ANKRD33B: variants seen among roughly 807,000 people sequenced by gnomAD.
ANKRD33B encodes the protein ankyrin repeat domain-containing protein 33B.
A neutral mutation model predicts 21.5 loss-of-function variants in ANKRD33B; 6 were observed. The observed-to-expected ratio is 0.28, with a 90% confidence interval of 0.15 to 0.55. The LOEUF (loss-of-function observed/expected upper bound fraction) is 0.55. Ranked by LOEUF, ANKRD33B falls within the 20% of genes least tolerant of loss-of-function variation. The pLI, the probability that ANKRD33B is intolerant of heterozygous loss-of-function variation, is 0.94. For synonymous variants in ANKRD33B, 347 were observed against 342.4 expected (o/e 1.01, Z -0.15); for missense variants, 698 against 747.2 (o/e 0.93, Z 0.77).
At chr5:10,614,616 A>G (rs891005384) in intron 1 of ANKRD33B, among the ~76,000 whole-genome samples, 1 of 150,290 alleles carries the variant, frequency 6.7e-6, no homozygotes, top group Admixed American at 6.7e-5. Flanking sequence ...GCTGGGTGCC[A>G]TGGCTCACAC....
At chr5:10,578,124 G>C (rs1179615386) in intron 1 of ANKRD33B, among the ~76,000 whole-genome samples, 1 of 152,182 alleles carries the variant, frequency 6.6e-6, no homozygotes, top group East Asian at 1.9e-4. Context: ...TGGGTGGAAG[G>C]CCACTTTCAG....
intron 3 of ANKRD33B, among the ~76,000 whole-genome samples, chr5:10,645,956 A>T (rs574991338): frequency 6.6e-6 from 1 of 152,330 alleles, no homozygotes; most frequent in East Asian, 1.9e-4. Context: ...TGCTACTGGC[A>T]TCTAGAAGAA....
At position 10,651,355 on chromosome 5, in the gene ANKRD33B, C is replaced by G. The variant is rs982609331; in HGVS notation, c.*1242C>G. On this transcript the variant is annotated 3_prime_UTR_variant, in exon 4 of 4. Transcript: ENST00000296657. ...GGGCATGGGTGTGATTTGCCTTGGG[C>G]CACAAGCTCTTGGTGAGAGTCTTAT... The G allele has an allele frequency of 6.6e-6, 1 of 152,094 alleles. No homozygotes were observed. The highest frequency in any genetic ancestry group is 1.5e-5 in the Non-Finnish European group (1 of 67,994). The allele number at this position is 152,094 out of a possible 1,614,324, so 9.4% of individuals were successfully genotyped here.
In ANKRD33B at chr5:10,649,305, C is replaced by T. The variant is rs1358224167; in HGVS notation, c.677C>T (p.Ser226Leu). ...VHARDPRRGM[S>L]PQEWATYTGR... ...GCGAGGGACCCCCGCCGTGGGATGT[C>T]GCCGCAGGAGTGGGCCACTTACACG... Residue 226 changes from serine to leucine, a missense_variant, in exon 4 of 4, where the codon TCG becomes TTG. Ser to Leu is a moderately radical substitution (Grantham distance 145). Transcript: ENST00000296657. The T allele has an allele frequency of 2.0e-6, 3 of 1,531,050 alleles. No individual in the cohort carries two copies. Among genetic ancestry groups the T allele is most frequent in the East Asian group, 2.5e-5 (1 of 40,780 alleles). 94.8% of individuals were successfully genotyped at this position (1,531,050 alleles called of 1,614,324 possible). A position where few individuals can be genotyped will look rare whatever the true frequency, so the allele number is the denominator to read the frequency against.
At chr5:10,604,592 G>A (rs80281471) in intron 1 of ANKRD33B, among the ~76,000 whole-genome samples, 1,833 of 151,500 alleles carry the variant, frequency 0.012, 37 homozygotes, top group African/African-American at 0.042. Flanking sequence ...CCAGAGAGGA[G>A]ATTTTCTTAG....
At chr5:10,641,807 A>G (rs1214847275) in intron 3 of ANKRD33B, among the ~76,000 whole-genome samples, 6 of 152,202 alleles carry the variant, frequency 3.9e-5, no homozygotes, top group Non-Finnish European at 8.8e-5. Flanking sequence ...GAAATAAAAA[A>G]AAAAACATAA....
intron 1 of ANKRD33B, among the ~76,000 whole-genome samples, chr5:10,602,087 G>C (rs1735946399): frequency 6.6e-6 from 1 of 151,162 alleles, no homozygotes; most frequent in South Asian, 2.1e-4. Flanking sequence ...AGCCAATCAA[G>C]TAAAAATGAA....
chr5:10,608,800 A>G (rs891212095), intron 1 of ANKRD33B, among the ~76,000 whole-genome samples: 4 of 152,208 alleles, frequency 2.6e-5, no homozygotes, highest in African/African-American at 9.7e-5. Context: ...CTGCATCGAA[A>G]CGTAAAACGG....
intron 1 of ANKRD33B, among the ~76,000 whole-genome samples, chr5:10,594,184 A>C (rs568372108): frequency 6.7e-6 from 1 of 148,558 alleles, no homozygotes; most frequent in African/African-American, 2.5e-5. Flanking sequence ...GATCTCCAAT[A>C]CTGCAGAAAA....
chr5:10,646,006 C>T (rs535260863), intron 3 of ANKRD33B, among the ~76,000 whole-genome samples: 1 of 152,328 alleles, frequency 6.6e-6, no homozygotes, highest in East Asian at 1.9e-4. Flanking sequence ...CTCCAATGCA[C>T]AGGACAGCCC....
rs1385800678 is a variant in ANKRD33B, at chr5:10,637,891, TCCGAGAAAAA to T, written c.497-135_497-126del. Reference sequence around the variant, plus strand: ...GCTCCAGGAGAATTCTGTCTTGGGGTCCGAGAAAAACTCACACAGCAGACCGGCTGGCCCA... The same window carrying T: ...GCTCCAGGAGAATTCTGTCTTGGGGTCTCACACAGCAGACCGGCTGGCCCA... On this transcript the variant is annotated intron_variant, in intron 2 of 3. Coordinates refer to ENST00000296657, the MANE Select transcript of ANKRD33B (RefSeq NM_001164440.2). 3 of 965,480 alleles carry T rather than the reference TCCGAGAAAAA, an allele frequency of 3.1e-6. No homozygotes were observed. In the African/African-American group the frequency reaches 5.0e-5, roughly 16 times the overall value. The allele number at this position is 965,480 out of a possible 1,614,324, so 59.8% of individuals were successfully genotyped here.
chr5:10,585,838 A>G (rs1436050191), intron 1 of ANKRD33B, among the ~76,000 whole-genome samples: 1 of 152,188 alleles, frequency 6.6e-6, no homozygotes, highest in African/African-American at 2.4e-5. Flanking sequence ...GGTCTGACAG[A>G]TGGGACTCAC....
At chr5:10,577,297 T>A (rs1735345575) in intron 1 of ANKRD33B, among the ~76,000 whole-genome samples, 1 of 152,128 alleles carries the variant, frequency 6.6e-6, no homozygotes, top group East Asian at 1.9e-4. Flanking sequence ...GCCTGGCTAA[T>A]TTTGGTATTT....
At chr5:10,644,636 G>C (rs1248579465) in intron 3 of ANKRD33B, among the ~76,000 whole-genome samples, 1 of 152,230 alleles carries the variant, frequency 6.6e-6, no homozygotes, top group African/African-American at 2.4e-5. Context: ...TCTTGTCTCA[G>C]GGAAGCCCTG....
intron 1 of ANKRD33B, among the ~76,000 whole-genome samples, chr5:10,610,543 C>T (rs182305689): frequency 2.0e-5 from 3 of 152,308 alleles, no homozygotes; most frequent in Admixed American, 2.0e-4. Context: ...TCAGTGCTCT[C>T]TGTATTTGTA....
At chr5:10,628,369 A>G (rs1309179182) in intron 2 of ANKRD33B, 1 of 152,156 alleles carries the variant, frequency 6.6e-6, no homozygotes, top group Non-Finnish European at 1.5e-5. Flanking sequence ...TTTAGTAGAG[A>G]CGGGGTTTCA....
rs1038294289 is a variant in ANKRD33B, at chr5:10,602,344, C to T, written c.367-15989C>T. ...CCAGGGGACGCTGATGCCGCTGGTC[C>T]TGGGACTGCACTATGAGTGGCCAAA... On this transcript the variant is annotated intron_variant, in intron 1 of 3. Coordinates refer to ENST00000296657, the MANE Select transcript of ANKRD33B (RefSeq NM_001164440.2). 3.3e-5 allele frequency among the ~76,000 whole-genome samples: 5 copies of T among 152,356 alleles called. No homozygotes were observed. In the East Asian group the frequency reaches 9.7e-4, roughly 29 times the overall value.
intron 1 of ANKRD33B, among the ~76,000 whole-genome samples, chr5:10,579,644 A>C (rs1004849498): frequency 2.0e-5 from 3 of 152,188 alleles, no homozygotes. Context: ...TTATGATTTA[A>C]AAAATTAAAT....
chr5:10,629,542 T>TG (rs1488672833), intron 2 of ANKRD33B, among the ~76,000 whole-genome samples: 1 of 150,996 alleles, frequency 6.6e-6, no homozygotes, highest in East Asian at 1.9e-4. Context: ...TTTGATGCAT[T>TG]GAGTTTGTAG....
Sources: gnomAD v4.1 joint callset for allele counts (sites outside exome capture counted in the v4.1 genomes callset) on GRCh38, gnomAD v4.1.1 for gene constraint, MANE v1.5 for transcripts, NCBI Gene and HGNC (gene_info 2026-07-23, HGNC 2026-07-21) for gene names.